The following ARAP3 variants were observed in gnomAD, a reference collection of about 807,000 sequenced individuals.
ARAP3 encodes the protein ArfGAP with RhoGAP domain, ankyrin repeat and PH domain 3, also known as arf-GAP with Rho-GAP domain, ANK repeat and PH domain-containing protein 3.
Under a neutral mutation model 169.2 loss-of-function variants are expected in ARAP3, and 82 were observed. The ratio of observed to expected loss-of-function variants is 0.48; its 90% CI spans 0.41 to 0.58. The LOEUF (loss-of-function observed/expected upper bound fraction) is 0.58, where lower values mean the gene tolerates loss of function less well. Among genes scored for constraint, ARAP3 ranks in the 20% least tolerant of loss-of-function variants. The probability of loss-of-function intolerance (pLI) is 0.00; values close to 1 mark genes in which losing one functional copy is unlikely to be tolerated. For missense variants in ARAP3, 1,764 were observed against 2,018.0 expected (o/e 0.87, Z 2.41); for synonymous variants, 791 against 800.3 (o/e 0.99, Z 0.20).
In ARAP3 at chr5:141,672,368, C is replaced by T; in HGVS notation, c.1386-67G>A. On this transcript the variant is annotated intron_variant, in intron 9 of 32. Coordinates refer to ENST00000239440, the MANE Select transcript of ARAP3 (RefSeq NM_022481.6). This position sits in a 1 kb window ranked among gnomAD's most constrained non-coding sequence, Gnocchi z 4.9. The stretch of plus-strand genomic sequence containing the variant: ...CCATGTCCCATCCCCCTGGCTCTTC[C>T]TGCAGGAGCCACCACAGGCCACACC... The T allele has an allele frequency of 6.3e-7, 1 of 1,596,440 alleles. No homozygotes were observed. The highest frequency in any genetic ancestry group is 8.6e-7 in the Non-Finnish European group (1 of 1,167,964).
At chr5:141,655,984 A>C (rs754054546) in intron 29 of ARAP3, 52 bp from the exon 30 acceptor site, 2 of 1,613,698 alleles carry the variant, frequency 1.2e-6, no homozygotes, top group South Asian at 2.2e-5. Context: ...CAGCTATAGG[A>C]ATGGAGCATA....
chr5:141,663,443 C>T (rs2099910233), intron 19 of ARAP3, among the ~76,000 whole-genome samples: 1 of 152,210 alleles, frequency 6.6e-6, no homozygotes, highest in Non-Finnish European at 1.5e-5. Context: ...GCACCCGCCA[C>T]CATGGCTGGC....
chr5:141,672,756 C>T lies in ARAP3; in HGVS notation c.1263G>A (p.Leu421=). 6.2e-7 allele frequency: 1 copy of T among 1,614,130 alleles called. No homozygotes were observed. Among genetic ancestry groups the T allele is most frequent in the South Asian group, 1.1e-5 (1 of 91,084 alleles). Residue 421 remains leucine (L), a synonymous_variant, in exon 8 of 33, where the codon CTG becomes CTA. Transcript: ENST00000239440. The surrounding 1 kb of genome is among the most constrained non-coding windows in gnomAD (Gnocchi z 4.9). ...CTCTCCTCACCTGCTCACTCTTGTA[C>T]AGTGCCAGCTCTCCAGGGCTCAAGG... The part of the protein sequence containing the change: ...FAALSPGELA[L]YKSEQAFSLG...
At chr5:141,660,010 A>G in intron 21 of ARAP3, 84 bp from the exon 22 acceptor site, 1 of 1,470,058 alleles carries the variant, frequency 6.8e-7, no homozygotes. Context: ...GCCTGGGCTA[A>G]GTGCTTGGAA....
chr5:141,659,923 C>T lies in ARAP3; in HGVS notation c.3123G>A (p.Val1041=), dbSNP rs750042509. 1 of 1,560,516 alleles carries T rather than the reference C, an allele frequency of 6.4e-7. No homozygotes were observed. The highest frequency in any genetic ancestry group is 8.7e-7 in the Non-Finnish European group (1 of 1,150,758). The change falls in exon 22 of 33, where the codon GTG becomes GTA. Residue 1041 remains valine (V), a synonymous_variant. Coordinates refer to ENST00000239440, the MANE Select transcript of ARAP3 (RefSeq NM_022481.6). ...LATLIGHLYR[V]QKCAALNQMC... is the part of the protein sequence containing the mutation. Reference sequence around the variant, plus strand: ...TCTGGTTTAGAGCCGCACATTTCTGCACCCTGCAGAGGGGTGCCACGGTCT... The same window carrying T: ...TCTGGTTTAGAGCCGCACATTTCTGTACCCTGCAGAGGGGTGCCACGGTCT...
In ARAP3 at chr5:141,672,244, T is replaced by C. The variant is rs1190663347; in HGVS notation, c.1443A>G (p.Ala481=). The C allele has an allele frequency of 1.2e-6, 2 of 1,614,228 alleles. No homozygotes were observed. Among genetic ancestry groups the C allele is most frequent in the Non-Finnish European group, 1.7e-6 (2 of 1,180,038 alleles). The change falls in exon 10 of 33, where the codon GCA becomes GCG. Residue 481 remains alanine (A), a synonymous_variant. Transcript: ENST00000239440. The surrounding 1 kb of genome is among the most constrained non-coding windows in gnomAD (Gnocchi z 4.9). ...CGTAGTCAGACAGGGTCTCGGTTACTGCTTCCTGCAGAGCGGCCGCCCAGC... is the reference window on the plus strand; with the variant it reads ...CGTAGTCAGACAGGGTCTCGGTTACCGCTTCCTGCAGAGCGGCCGCCCAGC... ...RQSWAAALQE[A]VTETLSDYEV...
intron 1 of ARAP3, chr5:141,680,705 A>G (rs2099912848): frequency 1.2e-6 from 1 of 832,644 alleles, no homozygotes; most frequent in Non-Finnish European, 1.8e-6. Flanking sequence ...TTTGAAGTTA[A>G]GGAAACTGAG....
chr5:141,664,879 C>T (rs1188296153), intron 19 of ARAP3, 43 bp downstream of exon 19: 9 of 364,430 alleles, frequency 2.5e-5, no homozygotes, highest in Non-Finnish European at 4.9e-5. Context: ...ATCACCCCCA[C>T]CCCCCACCCC....
Position 141,669,788 on chromosome 5 carries a change from AT to A in ARAP3, c.2272del (p.Ile758SerfsTer32). The A allele has an allele frequency of 6.2e-7, 1 of 1,613,890 alleles. No individual in the cohort carries two copies. The highest frequency in any genetic ancestry group is 8.5e-7 in the Non-Finnish European group (1 of 1,179,900). On this transcript the variant is annotated frameshift_variant, in exon 16 of 33. Transcript: ENST00000239440. LOFTEE classifies it high-confidence loss of function. ...GDRFPFSFEL[I>X]LAGGRIQHFG... ...ATGCTGGATCCTCCCCCCAGCGAGG[AT>A]GAGCTCAAAGGAAAAGGGGAACCTG...
intron 32 of ARAP3, 43 bp from the exon 33 acceptor site, chr5:141,654,478 T>A: frequency 6.6e-7 from 1 of 1,516,022 alleles, no homozygotes; most frequent in Non-Finnish European, 8.8e-7. Flanking sequence ...ATAGTTAAAG[T>A]TACCAGATTA....
chr5:141,669,638 AGAG>A (rs928670009), intron 16 of ARAP3, 68 bp downstream of exon 16: 116 of 1,409,418 alleles, frequency 8.2e-5, no homozygotes, highest in Admixed American at 2.4e-4. Context: ...TAGGAATAAG[AGAG>A]GAGAAGATGG....
At chr5:141,664,383 CA>C (rs995065970) in intron 19 of ARAP3, among the ~76,000 whole-genome samples, 1 of 150,002 alleles carries the variant, frequency 6.7e-6, no homozygotes. Flanking sequence ...GACTCCATCT[CA>C]AAAAAAAAGC....
intron 20 of ARAP3, 23 bp from the exon 21 acceptor site, chr5:141,661,812 T>C (rs544269678): frequency 6.2e-6 from 10 of 1,612,178 alleles, no homozygotes; most frequent in African/African-American, 1.3e-5. Context: ...TGGAGGAGGG[T>C]TGGGGAGGAC....
At chr5:141,666,361 G>C (rs1355941163) in intron 17 of ARAP3, 63 bp downstream of exon 17, 1 of 1,368,070 alleles carries the variant, frequency 7.3e-7, no homozygotes, top group African/African-American at 1.5e-5. Context: ...AATAATAAAG[G>C]TCTGCTTCCA....
Position 141,671,825 on chromosome 5 carries a change from G to A in ARAP3, c.1671+70C>T. The A allele has an allele frequency of 6.2e-7, 1 of 1,611,512 alleles. No individual in the cohort carries two copies. Among genetic ancestry groups the A allele is most frequent in the Non-Finnish European group, 8.5e-7 (1 of 1,178,176 alleles). ...CTCAGATGTTCCATTCCTGTCCCCA[G>A]GCTGGCCCAAGGCCTGCTTCTGGAC... On this transcript the variant is annotated intron_variant, in intron 11 of 32. Transcript: ENST00000239440. The surrounding 1 kb of genome is among the most constrained non-coding windows in gnomAD (Gnocchi z 4.9).
intron 14 of ARAP3, 46 bp from the exon 15 acceptor site, chr5:141,670,109 A>T (rs780665014): frequency 3.8e-6 from 6 of 1,573,802 alleles, no homozygotes; most frequent in Non-Finnish European, 5.1e-6. Flanking sequence ...CTCTGCCCCC[A>T]CTGTCATAGT....
chr5:141,673,000 C>A lies in ARAP3; in HGVS notation c.1093+13G>T. On this transcript the variant is annotated intron_variant, in intron 7 of 32. Coordinates refer to ENST00000239440, the MANE Select transcript of ARAP3 (RefSeq NM_022481.6). The surrounding 1 kb of genome is among the most constrained non-coding windows in gnomAD (Gnocchi z 4.9). ...CTCCCTCCTGCCCTGACTCAGGGGG[C>A]TGTGGCCCTCACCCTCGCTCTCTGT... 6.2e-7 allele frequency: 1 copy of A among 1,614,168 alleles called. No individual in the cohort carries two copies.
intron 13 of ARAP3, among the ~76,000 whole-genome samples, chr5:141,670,912 C>T (rs1156801884): frequency 6.6e-6 from 1 of 152,220 alleles, no homozygotes; most frequent in Non-Finnish European, 1.5e-5. Context: ...AGGGCATGTA[C>T]CATCCTGTAA....
At chr5:141,659,701 G>T (rs2099909695) in intron 22 of ARAP3, 78 bp downstream of exon 22, 1 of 1,550,476 alleles carries the variant, frequency 6.4e-7, no homozygotes, top group Non-Finnish European at 8.7e-7. Flanking sequence ...GCTTGTTGGG[G>T]TGATCAGGAT....
Sources: gnomAD v4.1 joint callset for allele counts (sites outside exome capture counted in the v4.1 genomes callset) on GRCh38, gnomAD v4.1.1 for gene constraint, Gnocchi (gnomAD v3.1) non-coding constraint, MANE v1.5 for transcripts, NCBI Gene and HGNC (gene_info 2026-07-23, HGNC 2026-07-21) for gene names.